C5orf46: variants seen among roughly 807,000 people sequenced by gnomAD.
The protein encoded by C5orf46 is uncharacterized protein C5orf46.
A neutral mutation model predicts 8.9 loss-of-function variants in C5orf46; 9 were observed. That is an observed-to-expected ratio of 1.01 (90% CI 0.61 to 1.76). The LOEUF (loss-of-function observed/expected upper bound fraction) is 1.76, where lower values mean the gene tolerates loss of function less well. C5orf46 is among the 40% of genes most tolerant of loss of function. The pLI is 0.00. For synonymous variants in C5orf46, 47 were observed against 41.4 expected (o/e 1.14, Z -0.52); for missense variants, 98 against 107.8 (o/e 0.91, Z 0.40).
chr5:147,893,686 G>C (rs981463610), intron 3 of C5orf46, among the ~76,000 whole-genome samples: 2 of 152,092 alleles, frequency 1.3e-5, no homozygotes, highest in African/African-American at 4.8e-5. Context: ...GGGATTACTG[G>C]CATGTGCCAC....
At chr5:147,901,522 C>T in intron 2 of C5orf46, 107 bp downstream of exon 2, 1 of 991,504 alleles carries the variant, frequency 1.0e-6, no homozygotes, top group Non-Finnish European at 1.4e-6. Flanking sequence ...AACACATTTA[C>T]TTATGCCACA....
chr5:147,903,134 G>A (rs770575871), intron 1 of C5orf46, among the ~76,000 whole-genome samples: 4 of 152,134 alleles, frequency 2.6e-5, no homozygotes, highest in Non-Finnish European at 5.9e-5. Flanking sequence ...GAGAAGAGAT[G>A]GAAGAGTGAC....
At chr5:147,888,915 T>C (rs922797310), downstream of C5orf46, among the ~76,000 whole-genome samples, 8 of 152,214 alleles carry the variant, frequency 5.3e-5, no homozygotes, top group African/African-American at 2.4e-5. Context: ...AAATTACTTA[T>C]ATGCTGTGAG....
At chr5:147,888,378 C>T (rs1757452891), downstream of C5orf46, among the ~76,000 whole-genome samples, 1 of 152,134 alleles carries the variant, frequency 6.6e-6, no homozygotes, top group South Asian at 2.1e-4. Context: ...TGGTGGCTTT[C>T]CATTGTTCTT....
chr5:147,894,828 G>A (rs771993065), intron 3 of C5orf46, among the ~76,000 whole-genome samples: 8 of 151,778 alleles, frequency 5.3e-5, no homozygotes, highest in Admixed American at 1.3e-4. Flanking sequence ...TTGGGAGGCC[G>A]AAGGGGGGTG....
downstream of C5orf46, among the ~76,000 whole-genome samples, chr5:147,890,817 G>A (rs186045698): frequency 1.9e-4 from 29 of 151,780 alleles, no homozygotes; most frequent in East Asian, 9.7e-4. Flanking sequence ...GAAGGGAAGT[G>A]AATAACTCAG....
downstream of C5orf46, among the ~76,000 whole-genome samples, chr5:147,892,240 C>A (rs1316693687): frequency 6.6e-6 from 1 of 152,160 alleles, no homozygotes; most frequent in Non-Finnish European, 1.5e-5. Context: ...AGAGGATCCA[C>A]CTCTGTGTAA....
chr5:147,898,611 T>A (rs1757619452), intron 2 of C5orf46, among the ~76,000 whole-genome samples: 1 of 152,136 alleles, frequency 6.6e-6, no homozygotes, highest in Non-Finnish European at 1.5e-5. Context: ...ATGTGTAAAC[T>A]GCAATGTGAA....
downstream of C5orf46, among the ~76,000 whole-genome samples, chr5:147,890,728 C>T (rs940130394): frequency 6.6e-6 from 1 of 152,018 alleles, no homozygotes; most frequent in African/African-American, 2.4e-5. Context: ...ATAAAAAGAA[C>T]ATACTTGGAC....
intron 2 of C5orf46, among the ~76,000 whole-genome samples, chr5:147,900,922 C>T (rs570290570): frequency 1.3e-3 from 203 of 152,218 alleles, no homozygotes; most frequent in African/African-American, 4.6e-3. Context: ...ACTATGTAGG[C>T]AAAAATAATA....
intron 1 of C5orf46, among the ~76,000 whole-genome samples, chr5:147,902,510 A>C (rs1381771798): frequency 6.6e-6 from 1 of 152,182 alleles, no homozygotes; most frequent in Non-Finnish European, 1.5e-5. Flanking sequence ...TGTTGAATAC[A>C]TGCCTATGAC....
At chr5:147,898,022 G>A (rs550678712) in intron 2 of C5orf46, among the ~76,000 whole-genome samples, 31 of 152,230 alleles carry the variant, frequency 2.0e-4, no homozygotes, top group African/African-American at 7.0e-4. Context: ...TTGAATTTTG[G>A]AGGCAATGGA....
chr5:147,905,807 C>A (rs1054363706), intron 1 of C5orf46, among the ~76,000 whole-genome samples: 2 of 152,106 alleles, frequency 1.3e-5, no homozygotes, highest in Non-Finnish European at 2.9e-5. Context: ...TGTTTATTAA[C>A]CTGCAAAAAG....
At chr5:147,893,505 C>T (rs532017422) in intron 3 of C5orf46, among the ~76,000 whole-genome samples, 2 of 151,720 alleles carry the variant, frequency 1.3e-5, no homozygotes, top group Non-Finnish European at 2.9e-5. Context: ...AGAATGGTCT[C>T]GATCTCCTGA....
At chr5:147,897,267 T>C (rs549274342) in intron 2 of C5orf46, among the ~76,000 whole-genome samples, 85 of 152,352 alleles carry the variant, frequency 5.6e-4, no homozygotes, top group African/African-American at 2.0e-3. Flanking sequence ...TAGGTATCTA[T>C]TCACACATAA....
chr5:147,887,360 C>T lies in C5orf46; in HGVS notation n.205-6266G>A, dbSNP rs576946572. ...ACAACTAAATGGCAACTACCTGATGCTCCCCCTTTCTAGTAACTACCTCTG... is the reference window on the plus strand; with the variant it reads ...ACAACTAAATGGCAACTACCTGATGTTCCCCCTTTCTAGTAACTACCTCTG... On this transcript the variant is annotated intron_variant and non_coding_transcript_variant, in intron 2 of 2. Coordinates refer to the C5orf46 transcript ENST00000510432. 3 of 152,222 alleles carry T rather than the reference C, an allele frequency of 2.0e-5. No individual in the cohort carries two copies. The South Asian group carries it at 6.2e-4, about 32-fold the overall frequency. The allele number at this position is 152,222 out of a possible 1,614,324, so 9.4% of individuals were successfully genotyped here.
intron 1 of C5orf46, among the ~76,000 whole-genome samples, chr5:147,902,379 A>C (rs1450262300): frequency 6.6e-6 from 1 of 152,172 alleles, no homozygotes; most frequent in Non-Finnish European, 1.5e-5. Context: ...TGAGCCCAGA[A>C]GATAGGGGCT....
chr5:147,902,928 G>A (rs920365556), intron 1 of C5orf46, among the ~76,000 whole-genome samples: 3 of 152,144 alleles, frequency 2.0e-5, no homozygotes, highest in African/African-American at 7.2e-5. Flanking sequence ...GAACTGAAAA[G>A]TGAAAGGATT....
downstream of C5orf46, among the ~76,000 whole-genome samples, chr5:147,892,204 T>C (rs1196627035): frequency 2.0e-5 from 3 of 152,196 alleles, no homozygotes; most frequent in Non-Finnish European, 2.9e-5. Flanking sequence ...TTCTGGTAAG[T>C]GGGCAAGAAC....
Sources: gnomAD v4.1 joint callset for allele counts (sites outside exome capture counted in the v4.1 genomes callset) on GRCh38, gnomAD v4.1.1 for gene constraint, MANE v1.5 for transcripts, NCBI Gene and HGNC (gene_info 2026-07-23, HGNC 2026-07-21) for gene names.